The following CHL1 variants were observed in gnomAD, a reference collection of about 807,000 sequenced individuals.
CHL1 encodes the protein cell adhesion molecule L1 like.
Under a neutral mutation model 141.9 loss-of-function variants are expected in CHL1, and 96 were observed. That is an observed-to-expected ratio of 0.68 (90% CI 0.57 to 0.80). The LOEUF is 0.80. Among genes scored for constraint, CHL1 ranks in the 30% least tolerant of loss-of-function variants. The probability of loss-of-function intolerance (pLI) is 0.00; values close to 1 mark genes in which losing one functional copy is unlikely to be tolerated. For missense variants in CHL1, 1,820 were observed against 1,457.2 expected, an observed-to-expected ratio of 1.25 and a Z score of -4.05; for synonymous variants, 613 against 502.2, an observed-to-expected ratio of 1.22 and a Z score of -2.95.
intron 2 of CHL1, among the ~76,000 whole-genome samples, chr3:301,139 G>A (rs1035701009): frequency 6.6e-6 from 1 of 152,150 alleles, no homozygotes; most frequent in African/African-American, 2.4e-5. Context: ...CAGATAGGAA[G>A]TGCTGAGGAA....
At position 263,095 on chromosome 3, in the gene CHL1, T is replaced by C. The variant is rs1012355737; in HGVS notation, c.-95+18403T>C. Among the ~76,000 whole-genome samples, 3 of 152,356 alleles carry C rather than the reference T, an allele frequency of 2.0e-5. No homozygotes were observed. In the East Asian group the frequency reaches 5.8e-4, roughly 29 times the overall value. On this transcript the variant is annotated intron_variant, in intron 2 of 27. Coordinates refer to ENST00000256509, the MANE Select transcript of CHL1 (RefSeq NM_006614.4). ...GGGAAATTTGGAGAGTAGATTCTTC[T>C]GAAGATTTCTCTGCTAAATAAGTTG...
chr3:329,258 A>T (rs1302348843), intron 5 of CHL1, among the ~76,000 whole-genome samples: 1 of 152,060 alleles, frequency 6.6e-6, no homozygotes, highest in South Asian at 2.1e-4. Flanking sequence ...CTATTCGGTA[A>T]TTTCTTCTTT....
At chr3:376,544 G>A (rs1575214623) in intron 15 of CHL1, 1 of 374,746 alleles carries the variant, frequency 2.7e-6, no homozygotes, top group East Asian at 7.6e-5. Flanking sequence ...ACCATGACTT[G>A]CCAAAAAAAT....
At chr3:263,645 A>G (rs1215708535) in intron 2 of CHL1, among the ~76,000 whole-genome samples, 1 of 152,188 alleles carries the variant, frequency 6.6e-6, no homozygotes, top group Non-Finnish European at 1.5e-5. Context: ...TTATTCACAT[A>G]ATTGATGTAG....
intron 1 of CHL1, among the ~76,000 whole-genome samples, chr3:201,689 T>A (rs112018364): frequency 0.019 from 2,928 of 152,312 alleles, 101 homozygotes; most frequent in African/African-American, 0.066. Context: ...ATGATAAGAA[T>A]GATAAATGCA....
At chr3:377,325 G>C (rs1447103661) in intron 15 of CHL1, among the ~76,000 whole-genome samples, 1 of 152,156 alleles carries the variant, frequency 6.6e-6, no homozygotes. Context: ...TGGGAGTGGA[G>C]GGGCGGAGAA....
chr3:262,370 G>A (rs1267615588), intron 2 of CHL1, among the ~76,000 whole-genome samples: 3 of 52,740 alleles, frequency 5.7e-5, no homozygotes, highest in Non-Finnish European at 3.2e-5. Flanking sequence ...GGATTCACAC[G>A]TTTAAGCCCA....
chr3:292,769 G>A (rs532150696), intron 2 of CHL1, among the ~76,000 whole-genome samples: 3 of 152,316 alleles, frequency 2.0e-5, no homozygotes, highest in Non-Finnish European at 2.9e-5. Context: ...CATGGCCAGA[G>A]CAGGAGCAAG....
intron 25 of CHL1, 115 bp from the exon 26 acceptor site, chr3:398,902 A>T: frequency 2.2e-6 from 2 of 928,156 alleles, no homozygotes; most frequent in South Asian, 3.4e-5. Flanking sequence ...TGGGGTCATT[A>T]AAAAAACTGA....
intron 15 of CHL1, among the ~76,000 whole-genome samples, chr3:376,976 T>C (rs766226356): frequency 2.8e-4 from 43 of 152,220 alleles, no homozygotes; most frequent in Admixed American, 5.2e-4. Flanking sequence ...GCATTTTATA[T>C]GAAATGTACA....
At chr3:388,383 A>G (rs1707930389) in intron 19 of CHL1, among the ~76,000 whole-genome samples, 2 of 152,144 alleles carry the variant, frequency 1.3e-5, no homozygotes. Flanking sequence ...CCCTGTCTCT[A>G]CTAAAAATAC....
chr3:233,335 T>C (rs1021034951), intron 1 of CHL1, among the ~76,000 whole-genome samples: 11 of 152,152 alleles, frequency 7.2e-5, no homozygotes, highest in African/African-American at 2.7e-4. Context: ...TTTAGGTTTC[T>C]GAGTTGCCTC....
intron 15 of CHL1, among the ~76,000 whole-genome samples, chr3:372,967 G>A (rs1705837405): frequency 6.6e-6 from 1 of 152,138 alleles, no homozygotes; most frequent in Non-Finnish European, 1.5e-5. Flanking sequence ...CAGCCAAGAT[G>A]GGTGCCTGCT....
chr3:347,276 G>C (rs1196467914), intron 9 of CHL1, among the ~76,000 whole-genome samples: 2 of 151,968 alleles, frequency 1.3e-5, no homozygotes, highest in Non-Finnish European at 2.9e-5. Context: ...ACAAGGACCT[G>C]AAAAAAATTG....
chr3:402,785 G>A (rs776943768), intron 27 of CHL1, among the ~76,000 whole-genome samples: 1 of 151,526 alleles, frequency 6.6e-6, no homozygotes, highest in Non-Finnish European at 1.5e-5. Flanking sequence ...CCAGAATAAA[G>A]AACAATAAAG....
chr3:396,247 A>G (rs1708655254), intron 24 of CHL1, among the ~76,000 whole-genome samples: 1 of 152,190 alleles, frequency 6.6e-6, no homozygotes. Flanking sequence ...AGTAACTAAA[A>G]GGTTCTTATG....
chr3:210,051 T>A (rs1699773406), intron 1 of CHL1, among the ~76,000 whole-genome samples: 1 of 152,336 alleles, frequency 6.6e-6, no homozygotes, highest in African/African-American at 2.4e-5. Context: ...GTTTAAGACC[T>A]CAATAGATAT....
intron 2 of CHL1, among the ~76,000 whole-genome samples, chr3:283,891 A>C (rs1303394771): frequency 6.6e-6 from 1 of 152,246 alleles, no homozygotes; most frequent in African/African-American, 2.4e-5. Context: ...CTTTTATCAC[A>C]GTATGTATGA....
chr3:314,783 G>C (rs756257460), intron 2 of CHL1, among the ~76,000 whole-genome samples: 23 of 152,056 alleles, frequency 1.5e-4, no homozygotes, highest in Admixed American at 2.0e-4. Flanking sequence ...AAGGCTTCTT[G>C]AGGCCTAGAC....
Sources: allele counts gnomAD v4.1 joint callset (sites outside exome capture counted in the v4.1 genomes callset), GRCh38; gene constraint gnomAD v4.1.1; transcripts MANE v1.5; gene names NCBI Gene and HGNC (gene_info 2026-07-23, HGNC 2026-07-21).